VRK1: variants seen among roughly 807,000 people sequenced by gnomAD.
VRK1 encodes serine/threonine-protein kinase VRK1.
Under a neutral mutation model 57.1 loss-of-function variants are expected in VRK1, and 33 were observed. The observed-to-expected ratio is 0.58, with a 90% CI of 0.44 to 0.77. VRK1 has a LOEUF of 0.77. Ranked by LOEUF, VRK1 falls within the 30% of genes least tolerant of loss-of-function variation. The pLI is 0.00. For synonymous variants in VRK1, 137 were observed against 147.8 expected (o/e 0.93, Z 0.53); for missense variants, 413 against 477.3 (o/e 0.87, Z 1.25).
chr14:96,853,599 T>G (rs1218112459), intron 7 of VRK1, among the ~76,000 whole-genome samples: 1 of 152,126 alleles, frequency 6.6e-6, no homozygotes, highest in East Asian at 1.9e-4. Flanking sequence ...TACAGAAATA[T>G]CTTAGCTGTC....
intron 11 of VRK1, among the ~76,000 whole-genome samples, chr14:96,862,552 G>T (rs1199252585): frequency 1.4e-5 from 2 of 147,386 alleles, no homozygotes; most frequent in African/African-American, 2.5e-5. Context: ...GACCAGACCA[G>T]TTTTTTTTCA....
At chr14:96,841,133 C>A (rs962174674) in intron 3 of VRK1, among the ~76,000 whole-genome samples, 3 of 152,128 alleles carry the variant, frequency 2.0e-5, no homozygotes, top group African/African-American at 7.2e-5. Flanking sequence ...GATGGGGTTA[C>A]AGGCATGAGC....
intron 1 of VRK1, among the ~76,000 whole-genome samples, chr14:96,802,811 C>T (rs759925323): frequency 2.0e-5 from 3 of 152,196 alleles, no homozygotes; most frequent in Non-Finnish European, 4.4e-5. Context: ...CACATTTAAC[C>T]ATTTACCCAT....
At chr14:96,880,388 G>A (rs557317968) in intron 12 of VRK1, among the ~76,000 whole-genome samples, 7 of 152,182 alleles carry the variant, frequency 4.6e-5, no homozygotes, top group Admixed American at 3.9e-4. Context: ...GCTCTTTCCT[G>A]GCAGAGCGTA....
chr14:96,852,605 G>T (rs1566707714), intron 5 of VRK1, among the ~76,000 whole-genome samples: 1 of 152,164 alleles, frequency 6.6e-6, no homozygotes, highest in Non-Finnish European at 1.5e-5. Flanking sequence ...CTTGAAACTA[G>T]CTGCGACCAG....
At chr14:96,841,379 A>G (rs1041588620) in intron 3 of VRK1, among the ~76,000 whole-genome samples, 7 of 152,198 alleles carry the variant, frequency 4.6e-5, no homozygotes, top group African/African-American at 1.4e-4. Flanking sequence ...TTTTAAGTTT[A>G]AGACCAAGTA....
At chr14:96,848,794 A>G (rs562671091) in intron 5 of VRK1, among the ~76,000 whole-genome samples, 1 of 152,296 alleles carries the variant, frequency 6.6e-6, no homozygotes, top group African/African-American at 2.4e-5. Flanking sequence ...ACAGCTACCC[A>G]CTTAATGATG....
intron 10 of VRK1, among the ~76,000 whole-genome samples, chr14:96,858,178 A>G (rs1888243250): frequency 6.6e-6 from 1 of 151,926 alleles, no homozygotes; most frequent in African/African-American, 2.4e-5. Context: ...CAAAGCCTTG[A>G]CCTCCTGAGC....
chr14:96,853,114 A>G lies in VRK1; in HGVS notation c.524A>G (p.His175Arg), dbSNP rs1888016146. ...TATATTCACGAGCATGAGTATGTGC[A>G]TGGAGATATCAAGGCCTCAAATCTT... Reference protein sequence around the residue: ...LEYIHEHEYVHGDIKASNLLL... With the variant: ...LEYIHEHEYVRGDIKASNLLL... Residue 175 changes from histidine (H) to arginine (R), a missense_variant, in exon 7 of 13, where the codon CAT becomes CGT. Physicochemically the swap from His to Arg is conservative, Grantham distance 29. Transcript: ENST00000216639. The G allele has an allele frequency of 1.9e-6, 3 of 1,613,906 alleles. No individual in the cohort carries two copies. Among genetic ancestry groups the G allele is most frequent in the South Asian group, 1.1e-5 (1 of 91,082 alleles).
chr14:96,881,186 C>A lies in VRK1; in HGVS notation c.1169C>A (p.Thr390Asn). 1 of 1,605,356 alleles carries A rather than the reference C, an allele frequency of 6.2e-7. No homozygotes were observed. The highest frequency in any genetic ancestry group is 8.5e-7 in the Non-Finnish European group (1 of 1,175,242). ...TEEAIQTRSR[T>N]RKRVQK Reference sequence around the variant, plus strand: ...TTGATTTTTCTTCAAGGTTCAAGAACCAGAAAGAGAGTCCAGAAGTAATTC... The same window carrying A: ...TTGATTTTTCTTCAAGGTTCAAGAAACAGAAAGAGAGTCCAGAAGTAATTC... Residue 390 changes from threonine (T) to asparagine (N), a missense_variant, in exon 13 of 13, where the codon ACC becomes AAC. Thr to Asn is a moderately conservative substitution (Grantham distance 65). This residue lies in a region of VRK1 where 146 missense variants were observed against 138.2 expected (regional missense o/e 1.06). Coordinates refer to ENST00000216639, the MANE Select transcript of VRK1 (RefSeq NM_003384.3).
intron 1 of VRK1, among the ~76,000 whole-genome samples, chr14:96,820,961 T>G (rs2139718948): frequency 6.6e-6 from 1 of 152,278 alleles, no homozygotes; most frequent in Middle Eastern, 3.4e-3. Flanking sequence ...AAGAGACACT[T>G]TTTTCCCTAC....
intron 3 of VRK1, among the ~76,000 whole-genome samples, chr14:96,844,381 G>A (rs1887589772): frequency 7.9e-5 from 12 of 152,190 alleles, no homozygotes; most frequent in Admixed American, 7.9e-4. Context: ...TGATACTACT[G>A]TCTTCCAAGG....
In VRK1 at chr14:96,846,182, C is replaced by T. The variant is rs370335226; in HGVS notation, c.286+18C>T. On this transcript the variant is annotated intron_variant, in intron 4 of 12. Coordinates refer to ENST00000216639, the MANE Select transcript of VRK1 (RefSeq NM_003384.3). ...AGAGCAAAGTAAGAAATACAGTACA[C>T]ATACGTTTACACTTTTAAAATGACC... 8.7e-6 allele frequency: 14 copies of T among 1,611,190 alleles called. No homozygotes were observed. Among genetic ancestry groups the T allele is most frequent in the Admixed American group, 3.3e-5 (2 of 59,972 alleles).
At position 96,856,064 on chromosome 14, in the gene VRK1, A is replaced by G. The variant is rs558716256; in HGVS notation, c.710-66A>G. The G allele has an allele frequency of 7.7e-6, 12 of 1,554,096 alleles. No homozygotes were observed. In the African/African-American group the frequency reaches 8.3e-5, roughly 11 times the overall value. ...GACTTGTTTTATGTTATTACTTTATATATACTTTAAATTATACATTAAAAA... is the reference window on the plus strand; with the variant it reads ...GACTTGTTTTATGTTATTACTTTATGTATACTTTAAATTATACATTAAAAA... On this transcript the variant is annotated intron_variant, in intron 8 of 12. Transcript: ENST00000216639.
Position 96,854,953 on chromosome 14 carries a change from TATAAC to T in VRK1, c.577-267_577-263del, listed in dbSNP as rs147176284. ...AAATTGAGACAAGATTAATTACAAG[TATAAC>T]ATATACTTATCTTAAAAAAGTATAT... On this transcript the variant is annotated intron_variant, in intron 7 of 12. Coordinates refer to ENST00000216639, the MANE Select transcript of VRK1 (RefSeq NM_003384.3). 0.01 allele frequency among the ~76,000 whole-genome samples: 1,558 copies of T among 152,332 alleles called. 29 individuals are homozygous for T. Among genetic ancestry groups the T allele is most frequent in the African/African-American group, 0.036 (1,482 of 41,568 alleles).
intron 5 of VRK1, among the ~76,000 whole-genome samples, chr14:96,848,187 G>A (rs893813096): frequency 6.6e-6 from 1 of 152,104 alleles, no homozygotes; most frequent in Non-Finnish European, 1.5e-5. Context: ...TTCTCTGTTA[G>A]TTCTCCATTG....
intron 1 of VRK1, among the ~76,000 whole-genome samples, chr14:96,830,059 CT>C (rs36095072): frequency 0.33 from 49,492 of 151,766 alleles, 8,647 homozygotes; most frequent in South Asian, 0.43. Flanking sequence ...TTTTTTTCCC[CT>C]GGCATAAAAT....
intron 1 of VRK1, among the ~76,000 whole-genome samples, chr14:96,824,073 A>G (rs752332117): frequency 7.2e-5 from 11 of 152,232 alleles, no homozygotes; most frequent in Non-Finnish European, 1.2e-4. Context: ...ATTTTTTCAA[A>G]TAAATGTCCT....
chr14:96,836,767 G>A (rs925887427), intron 2 of VRK1, among the ~76,000 whole-genome samples: 1 of 152,034 alleles, frequency 6.6e-6, no homozygotes, highest in African/African-American at 2.4e-5. Context: ...GACCTCAGGT[G>A]ATCCACCTGC....
Sources: allele counts gnomAD v4.1 joint callset (sites outside exome capture counted in the v4.1 genomes callset), GRCh38; gene constraint gnomAD v4.1.1; regional missense constraint gnomAD v4.1.1; transcripts MANE v1.5; gene names NCBI Gene and HGNC (gene_info 2026-07-23, HGNC 2026-07-21).